NUP35: variants seen among roughly 807,000 people sequenced by gnomAD.
NUP35 encodes the protein nucleoporin NUP35.
In NUP35, 25 loss-of-function variants were observed where a neutral mutation model predicts 41.5. The observed-to-expected ratio is 0.60, with a 90% CI of 0.44 to 0.84. NUP35 has a LOEUF of 0.84. Ranked by LOEUF, NUP35 falls within the 40% of genes least tolerant of loss-of-function variation. NUP35 has a pLI of 0.00. For synonymous variants in NUP35, 149 were observed against 130.7 expected, an observed-to-expected ratio of 1.14 and a Z score of -0.96; for missense variants, 396 against 396.6, an observed-to-expected ratio of 1.00 and a Z score of 0.01.
intron 4 of NUP35, among the ~76,000 whole-genome samples, chr2:183,136,734 C>G (rs1248900498): frequency 6.6e-6 from 1 of 152,144 alleles, no homozygotes; most frequent in Non-Finnish European, 1.5e-5. Flanking sequence ...AGTTCCTTCA[C>G]GGCAGTACCT....
chr2:183,125,862 CT>C (rs1684449843), intron 1 of NUP35, among the ~76,000 whole-genome samples: 1 of 152,162 alleles, frequency 6.6e-6, no homozygotes, highest in South Asian at 2.1e-4. Flanking sequence ...GAGTACGTAT[CT>C]TTTGGGAGCA....
intron 4 of NUP35, among the ~76,000 whole-genome samples, chr2:183,148,520 A>G (rs906193744): frequency 4.6e-5 from 7 of 152,220 alleles, no homozygotes; most frequent in East Asian, 3.9e-4. Flanking sequence ...GTGATGATGT[A>G]GTTTTGAATT....
At chr2:183,135,172 C>A (rs1247253053) in intron 4 of NUP35, among the ~76,000 whole-genome samples, 4 of 152,196 alleles carry the variant, frequency 2.6e-5, no homozygotes. Flanking sequence ...AACCTTAATT[C>A]CCTTTGCCAT....
intron 2 of NUP35, among the ~76,000 whole-genome samples, chr2:183,128,868 C>T (rs72892687): frequency 0.079 from 11,949 of 152,070 alleles, 550 homozygotes; most frequent in South Asian, 0.17. Context: ...GCTATAATTT[C>T]TAGAGCCACT....
chr2:183,134,433 G>A (rs1209667557), intron 4 of NUP35, among the ~76,000 whole-genome samples: 3 of 152,054 alleles, frequency 2.0e-5, no homozygotes, highest in Non-Finnish European at 4.4e-5. Flanking sequence ...GTTTTAAATA[G>A]GGTAATGTAT....
rs1402099441 is a variant in NUP35 at position 183,130,526 on chromosome 2, C to G, written c.320C>G (p.Pro107Arg). The change falls in exon 3 of 9, where the codon CCT (proline) becomes CGT (arginine). Residue 107 changes from proline to arginine, a missense_variant. Coordinates refer to ENST00000295119, the MANE Select transcript of NUP35 (RefSeq NM_138285.5). ...TCTAGCCCAGGACTTGGATCAACACCTTTAACTTCAAGAAGACAGGTAATA... is the reference window on the plus strand; with the variant it reads ...TCTAGCCCAGGACTTGGATCAACACGTTTAACTTCAAGAAGACAGGTAATA... ...DISSPGLGST[P>R]LTSRRQPNIS... 6.2e-7 allele frequency: 1 copy of G among 1,613,176 alleles called. No individual in the cohort carries two copies.
upstream of NUP35, among the ~76,000 whole-genome samples, chr2:183,122,958 TA>T (rs1484631963): frequency 6.6e-6 from 1 of 152,182 alleles, no homozygotes; most frequent in Non-Finnish European, 1.5e-5. Flanking sequence ...AATATTGAAA[TA>T]GTAAGATTAT....
At chr2:183,122,674 T>G (rs2675103), upstream of NUP35, among the ~76,000 whole-genome samples, 790 of 152,174 alleles carry the variant, frequency 5.2e-3, 8 homozygotes, top group African/African-American at 0.018. Flanking sequence ...GGTCTCACTA[T>G]CTCAAACTCC....
At chr2:183,130,016 CTG>C (rs1165935960) in intron 2 of NUP35, among the ~76,000 whole-genome samples, 2 of 152,218 alleles carry the variant, frequency 1.3e-5, no homozygotes, top group Non-Finnish European at 2.9e-5. Context: ...AATCTACAGA[CTG>C]GAGCTGTTTA....
chr2:183,137,417 C>CA lies in NUP35; in HGVS notation c.397+3803dup, dbSNP rs965653812. 8.6e-5 allele frequency among the ~76,000 whole-genome samples: 13 copies of CA among 151,442 alleles called. No homozygotes were observed. The East Asian group carries it at 1.2e-3, about 14-fold the overall frequency. ...CAACATAGTGAGATGCCTGTCTGTA[C>CA]AAAAAAAAATTTTTTAAATTAGCCT... On this transcript the variant is annotated intron_variant, in intron 4 of 8. Transcript: ENST00000295119.
chr2:183,150,300 CT>C (rs1247077431), intron 4 of NUP35, among the ~76,000 whole-genome samples: 1 of 152,186 alleles, frequency 6.6e-6, no homozygotes, highest in Non-Finnish European at 1.5e-5. Flanking sequence ...AGAGCTTTAG[CT>C]TTTACAGTGG....
At chr2:183,159,808 A>C in intron 8 of NUP35, 156 bp downstream of exon 8, 4 of 538,872 alleles carry the variant, frequency 7.4e-6, no homozygotes, top group Non-Finnish European at 1.2e-5. Context: ...TTCTGCTTTA[A>C]AGTTAACATC....
At chr2:183,136,643 T>G (rs1684883599) in intron 4 of NUP35, among the ~76,000 whole-genome samples, 1 of 152,222 alleles carries the variant, frequency 6.6e-6, no homozygotes, top group African/African-American at 2.4e-5. Flanking sequence ...GCTCATTCGA[T>G]TTTATCAGGC....
chr2:183,128,617 CAA>C (rs1024611374), intron 2 of NUP35, among the ~76,000 whole-genome samples, 160 bp downstream of exon 2: 1 of 146,192 alleles, frequency 6.8e-6, no homozygotes, highest in Admixed American at 6.8e-5. Context: ...AAAAAAAATG[CAA>C]AAAAAATCTT....
chr2:183,158,678 G>T (rs906943461), intron 7 of NUP35, among the ~76,000 whole-genome samples: 1 of 152,058 alleles, frequency 6.6e-6, no homozygotes, highest in African/African-American at 2.4e-5. Context: ...GTTGTTAAAG[G>T]TGAGGCCTAG....
chr2:183,155,562 A>G (rs1166281199), intron 5 of NUP35, among the ~76,000 whole-genome samples: 6 of 144,106 alleles, frequency 4.2e-5, no homozygotes, highest in African/African-American at 1.5e-4. Flanking sequence ...ACATTTTTAT[A>G]GTCTCTCATA....
At chr2:183,124,218 T>C (rs1024371581), upstream of NUP35, 10 of 902,296 alleles carry the variant, frequency 1.1e-5, no homozygotes, top group Non-Finnish European at 1.4e-5. Context: ...ATGAAAAGCA[T>C]TCACAGAACC....
At chr2:183,117,786 G>T (rs912820998) in intron 1 of NUP35, among the ~76,000 whole-genome samples, 1 of 152,100 alleles carries the variant, frequency 6.6e-6, no homozygotes, top group African/African-American at 2.4e-5. Flanking sequence ...TGAATATTCA[G>T]TATATATGAT....
At chr2:183,123,724 G>A, upstream of NUP35, 3 of 874,852 alleles carry the variant, frequency 3.4e-6, no homozygotes, top group African/African-American at 1.8e-5. Context: ...TGTGATTTAC[G>A]TATGACTATG....
Sources: allele counts gnomAD v4.1 joint callset (sites outside exome capture counted in the v4.1 genomes callset), GRCh38; gene constraint gnomAD v4.1.1; transcripts MANE v1.5; gene names NCBI Gene and HGNC (gene_info 2026-07-23, HGNC 2026-07-21).